SCARA3: variants seen among roughly 807,000 people sequenced by gnomAD.
SCARA3 encodes the protein scavenger receptor class A member 3, also known as cellular stress response gene protein.
A neutral mutation model predicts 47.0 loss-of-function variants in SCARA3; 39 were observed. The ratio of observed to expected loss-of-function variants is 0.83; its 90% CI spans 0.64 to 1.08. The LOEUF (loss-of-function observed/expected upper bound fraction) is 1.08. Ranked by LOEUF, SCARA3 falls within the 50% of genes least tolerant of loss-of-function variation. The probability of loss-of-function intolerance (pLI) is 0.00; values close to 1 mark genes in which losing one functional copy is unlikely to be tolerated. For synonymous variants in SCARA3, 356 were observed against 334.1 expected (o/e 1.07, Z -0.71); for missense variants, 724 against 792.3 (o/e 0.91, Z 1.04).
At chr8:27,731,099 T>A in the SCARA3 span, among the ~76,000 whole-genome samples, 15 of 149,400 alleles carry the variant, frequency 1.0e-4, no homozygotes, top group Admixed American at 2.7e-4. Context: ...TATCTTTTTT[T>A]TCTTTTTTTT....
chr8:27,667,377 G>C (rs1563412630), intron 5 of SCARA3, among the ~76,000 whole-genome samples: 1 of 152,210 alleles, frequency 6.6e-6, no homozygotes, highest in Non-Finnish European at 1.5e-5. Context: ...TTTAGAAAAA[G>C]GCTCTGGGGT....
chr8:27,677,884 G>A (rs1044007004), downstream of SCARA3, among the ~76,000 whole-genome samples: 1 of 152,094 alleles, frequency 6.6e-6, no homozygotes, highest in African/African-American at 2.4e-5. Flanking sequence ...TTAGAAATAA[G>A]CACAGAAAGA....
chr8:27,644,026 G>A (rs1404609855), intron 1 of SCARA3, among the ~76,000 whole-genome samples: 1 of 152,206 alleles, frequency 6.6e-6, no homozygotes, highest in East Asian at 1.9e-4. Context: ...ATGTGCCAAG[G>A]CATGCACCCT....
Position 27,672,847 on chromosome 8 carries a change from C to A in SCARA3, c.*1496C>A. On this transcript the variant is annotated 3_prime_UTR_variant, in exon 6 of 6. Transcript: ENST00000301904. The stretch of plus-strand genomic sequence containing the variant: ...GCATAGAGTTGTCTCCTTCCCAACA[C>A]GGACCCAGAGAGCAGCCCTTCCCTG... 1.0e-6 allele frequency: 1 copy of A among 985,660 alleles called. No individual in the cohort carries two copies. Among genetic ancestry groups the A allele is most frequent in the South Asian group, 4.7e-5 (1 of 21,294 alleles). The allele number at this position is 985,660 out of a possible 1,614,324, so 61.1% of individuals were successfully genotyped here.
chr8:27,655,082 A>G (rs1419952796), intron 3 of SCARA3, among the ~76,000 whole-genome samples: 3 of 152,204 alleles, frequency 2.0e-5, no homozygotes, highest in Non-Finnish European at 4.4e-5. Context: ...AATTAAGTAA[A>G]TCTACTGACA....
At chr8:27,715,853 G>GATAGATAGATAC in the SCARA3 span, among the ~76,000 whole-genome samples, 10 of 142,090 alleles carry the variant, frequency 7.0e-5, no homozygotes, top group East Asian at 4.2e-4. This position sits in a 1 kb window ranked among gnomAD's most constrained non-coding sequence, Gnocchi z 4.2. Context: ...TAGATAGATA[G>GATAGATAGATAC]ATAGATAGAT....
intron 1 of SCARA3, among the ~76,000 whole-genome samples, chr8:27,646,964 CCG>C (rs769195184): frequency 3.6e-5 from 1 of 27,888 alleles, no homozygotes; most frequent in Admixed American, 5.3e-4. Context: ...GCACCCCTGA[CCG>C]CCCCCGCCCC....
At chr8:27,675,186 T>C (rs1425916785), downstream of SCARA3, among the ~76,000 whole-genome samples, 2 of 152,222 alleles carry the variant, frequency 1.3e-5, no homozygotes, top group Non-Finnish European at 2.9e-5. Context: ...TGGGCAAGCC[T>C]TCTGCCGTCC....
At chr8:27,710,767 C>T in the SCARA3 span, among the ~76,000 whole-genome samples, 97 of 152,154 alleles carry the variant, frequency 6.4e-4, no homozygotes, top group African/African-American at 2.2e-3. Context: ...TTGAAGAAAC[C>T]AGGCCATTTT....
chr8:27,654,393 T>G (rs1009344821), intron 3 of SCARA3, among the ~76,000 whole-genome samples: 2 of 152,004 alleles, frequency 1.3e-5, no homozygotes, highest in African/African-American at 4.8e-5. Context: ...TGAAGAAAAA[T>G]CATGTCTAAA....
chr8:27,687,405 T>A, the SCARA3 span, among the ~76,000 whole-genome samples: 1 of 152,198 alleles, frequency 6.6e-6, no homozygotes, highest in East Asian at 1.9e-4. Flanking sequence ...TCTTGCAGGA[T>A]ATTCATTAAT....
chr8:27,699,010 C>T, the SCARA3 span, among the ~76,000 whole-genome samples: 486 of 151,784 alleles, frequency 3.2e-3, 6 homozygotes, highest in African/African-American at 0.011. Context: ...TCTGGGAGGC[C>T]GAGGCAGGTG....
At chr8:27,694,983 C>T in the SCARA3 span, among the ~76,000 whole-genome samples, 4 of 152,166 alleles carry the variant, frequency 2.6e-5, no homozygotes, top group African/African-American at 4.8e-5. Context: ...ATGAGGGTTT[C>T]GATGCACATG....
the SCARA3 span, among the ~76,000 whole-genome samples, chr8:27,706,479 G>C: frequency 6.6e-6 from 1 of 151,768 alleles, no homozygotes; most frequent in African/African-American, 2.4e-5. Flanking sequence ...ATTTCATCCT[G>C]AGTCTACACT....
At chr8:27,686,703 A>T in the SCARA3 span, among the ~76,000 whole-genome samples, 1 of 152,182 alleles carries the variant, frequency 6.6e-6, no homozygotes, top group Non-Finnish European at 1.5e-5. Context: ...CCCAGCTCAG[A>T]TGCTGCCTAT....
chr8:27,725,994 G>A, the SCARA3 span, among the ~76,000 whole-genome samples: 1 of 152,206 alleles, frequency 6.6e-6, no homozygotes, highest in Non-Finnish European at 1.5e-5. Context: ...TGAGTCATGA[G>A]CTCCCGTCTC....
the SCARA3 span, among the ~76,000 whole-genome samples, chr8:27,698,677 G>T: frequency 6.6e-6 from 1 of 151,680 alleles, no homozygotes; most frequent in African/African-American, 2.4e-5. Context: ...TAATATAGAA[G>T]GCCAATATAC....
chr8:27,688,576 G>A, the SCARA3 span, among the ~76,000 whole-genome samples: 2 of 152,026 alleles, frequency 1.3e-5, no homozygotes, highest in Non-Finnish European at 2.9e-5. Flanking sequence ...CGTGCCTATA[G>A]TCCCAGCTAC....
At chr8:27,666,632 G>T (rs1235806691) in intron 5 of SCARA3, among the ~76,000 whole-genome samples, 1 of 152,210 alleles carries the variant, frequency 6.6e-6, no homozygotes, top group East Asian at 1.9e-4. Flanking sequence ...CCACGCCAAT[G>T]TGCCTCCCAC....
Sources: allele counts gnomAD v4.1 joint callset (sites outside exome capture counted in the v4.1 genomes callset), GRCh38; gene constraint gnomAD v4.1.1; non-coding constraint Gnocchi (gnomAD v3.1); transcripts MANE v1.5; gene names NCBI Gene and HGNC (gene_info 2026-07-23, HGNC 2026-07-21).